The following SNTB1 variants were observed in gnomAD, a reference collection of about 807,000 sequenced individuals.
SNTB1 encodes the protein syntrophin beta 1.
A neutral mutation model predicts 48.9 loss-of-function variants in SNTB1; 36 were observed. The ratio of observed to expected loss-of-function variants is 0.74; its 90% CI spans 0.56 to 0.97. The LOEUF (loss-of-function observed/expected upper bound fraction) is 0.97, where lower values mean the gene tolerates loss of function less well. Among genes scored for constraint, SNTB1 ranks in the 50% least tolerant of loss-of-function variants. The pLI is 0.00. For missense variants in SNTB1, 786 were observed against 703.4 expected, an observed-to-expected ratio of 1.12 and a Z score of -1.33; for synonymous variants, 299 against 294.6, an observed-to-expected ratio of 1.01 and a Z score of -0.15.
At chr8:120,585,234 G>C (rs973081291) in intron 3 of SNTB1, among the ~76,000 whole-genome samples, 5 of 152,210 alleles carry the variant, frequency 3.3e-5, no homozygotes, top group Admixed American at 2.0e-4. Context: ...TCCTGGCTAA[G>C]CATAGGCAGT....
intron 3 of SNTB1, among the ~76,000 whole-genome samples, chr8:120,622,457 T>C (rs1164386141): frequency 6.6e-6 from 1 of 152,188 alleles, no homozygotes; most frequent in Non-Finnish European, 1.5e-5. Flanking sequence ...TTCATTTGCA[T>C]TGCATAGCAG....
intron 2 of SNTB1, among the ~76,000 whole-genome samples, chr8:120,661,106 A>G (rs7831002): frequency 0.59 from 89,535 of 151,784 alleles, 26,551 homozygotes; most frequent in South Asian, 0.71. Flanking sequence ...CAAAAATGTG[A>G]CACAGAGATA....
intron 3 of SNTB1, among the ~76,000 whole-genome samples, chr8:120,577,250 C>G (rs74815764): frequency 0.025 from 3,739 of 152,276 alleles, 173 homozygotes; most frequent in African/African-American, 0.082. Flanking sequence ...TGAAGAAGTG[C>G]CCTCCCCGAC....
At chr8:120,729,697 A>G (rs770832962) in intron 1 of SNTB1, among the ~76,000 whole-genome samples, 1 of 152,232 alleles carries the variant, frequency 6.6e-6, no homozygotes. Flanking sequence ...CAAGAATCCA[A>G]GTTTGTCTAA....
chr8:120,772,528 T>A lies in SNTB1; in HGVS notation c.571+38745A>T, dbSNP rs150814516. 3.7e-3 allele frequency among the ~76,000 whole-genome samples: 568 copies of A among 152,300 alleles called. 1 individual carries two copies. The highest frequency in any genetic ancestry group is 6.6e-3 in the Non-Finnish European group (449 of 68,026). ...TCCAAAAGTGCTAGGATTACAGGTG[T>A]GAGCCACCATGCCCAGCCAGGGGCA... is the stretch of plus-strand genomic sequence containing the variant. On this transcript the variant is annotated intron_variant, in intron 1 of 6. Transcript: ENST00000517992.
At chr8:120,665,002 A>C (rs1174325067) in intron 2 of SNTB1, among the ~76,000 whole-genome samples, 1 of 152,154 alleles carries the variant, frequency 6.6e-6, no homozygotes, top group Non-Finnish European at 1.5e-5. Flanking sequence ...TGTGGTTTTA[A>C]TTTGCATGTG....
At chr8:120,608,132 A>G (rs934729134) in intron 3 of SNTB1, among the ~76,000 whole-genome samples, 3 of 152,226 alleles carry the variant, frequency 2.0e-5, no homozygotes, top group African/African-American at 7.2e-5. Flanking sequence ...GCTCTGTAGG[A>G]ACCCACCTTT....
intron 2 of SNTB1, among the ~76,000 whole-genome samples, chr8:120,679,415 C>T (rs1001063931): frequency 6.6e-6 from 1 of 152,170 alleles, no homozygotes; most frequent in African/African-American, 2.4e-5. Context: ...CCTACCTCTG[C>T]CCTCCATCAA....
intron 2 of SNTB1, among the ~76,000 whole-genome samples, chr8:120,688,979 C>G (rs1017448945): frequency 2.0e-5 from 3 of 152,124 alleles, no homozygotes; most frequent in Non-Finnish European, 4.4e-5. Context: ...GGATGTGGGC[C>G]TGGCTCAGGG....
At chr8:120,649,243 C>T (rs1000071769) in intron 2 of SNTB1, among the ~76,000 whole-genome samples, 2 of 151,814 alleles carry the variant, frequency 1.3e-5, no homozygotes, top group African/African-American at 4.8e-5. Context: ...GAGAGGCGCT[C>T]TGCTTTTTAG....
chr8:120,656,129 C>T (rs1333397273), intron 2 of SNTB1, among the ~76,000 whole-genome samples: 1 of 152,146 alleles, frequency 6.6e-6, no homozygotes, highest in African/African-American at 2.4e-5. Flanking sequence ...CCTGAAACTA[C>T]AATCCTCAGC....
intron 4 of SNTB1, chr8:120,571,290 A>C (rs1815837440): frequency 1.6e-6 from 2 of 1,287,718 alleles, no homozygotes; most frequent in Admixed American, 4.6e-5. Flanking sequence ...GAATCCAGTG[A>C]CTGTGGTCTA....
intron 1 of SNTB1, among the ~76,000 whole-genome samples, chr8:120,715,827 C>T (rs982645562): frequency 2.0e-5 from 3 of 152,126 alleles, no homozygotes; most frequent in Non-Finnish European, 2.9e-5. Context: ...AGTGGAGAGA[C>T]TGTTTTGAGA....
chr8:120,593,202 C>A (rs1209926806), intron 3 of SNTB1, among the ~76,000 whole-genome samples: 1 of 152,042 alleles, frequency 6.6e-6, no homozygotes, highest in African/African-American at 2.4e-5. Context: ...AATCGTGGTG[C>A]CAGGGACGAT....
At chr8:120,810,895 T>A (rs1286941308) in intron 1 of SNTB1, among the ~76,000 whole-genome samples, 4 of 151,612 alleles carry the variant, frequency 2.6e-5, no homozygotes, top group African/African-American at 9.7e-5. Context: ...TATTCTAAGT[T>A]CACCCTTCAT....
intron 5 of SNTB1, among the ~76,000 whole-genome samples, chr8:120,542,782 C>T (rs1325297787): frequency 1.3e-5 from 2 of 151,844 alleles, no homozygotes; most frequent in Non-Finnish European, 2.9e-5. Context: ...AGCATACACC[C>T]ATGACATCAA....
intron 4 of SNTB1, among the ~76,000 whole-genome samples, chr8:120,553,168 C>T (rs1815511053): frequency 6.6e-6 from 1 of 152,158 alleles, no homozygotes; most frequent in African/African-American, 2.4e-5. Context: ...ACAGGAAGGA[C>T]TGTTGGTGTT....
At chr8:120,735,961 T>C (rs1228575004) in intron 1 of SNTB1, among the ~76,000 whole-genome samples, 1 of 152,172 alleles carries the variant, frequency 6.6e-6, no homozygotes, top group Admixed American at 6.5e-5. Flanking sequence ...CATACTGCTA[T>C]AAAGAATTCC....
At chr8:120,729,579 C>T (rs1232016733) in intron 1 of SNTB1, among the ~76,000 whole-genome samples, 1 of 152,212 alleles carries the variant, frequency 6.6e-6, no homozygotes, top group Non-Finnish European at 1.5e-5. Context: ...GAATTCTCTA[C>T]TCCATGCATG....
Sources: gnomAD v4.1 joint callset for allele counts (sites outside exome capture counted in the v4.1 genomes callset) on GRCh38, gnomAD v4.1.1 for gene constraint, MANE v1.5 for transcripts, NCBI Gene and HGNC (gene_info 2026-07-23, HGNC 2026-07-21) for gene names.